The following NDE1 variants were observed in gnomAD, a reference collection of about 807,000 sequenced individuals.
NDE1 encodes the protein nudE neurodevelopment protein 1, also known as nuclear distribution protein nudE homolog 1.
In NDE1, 28 loss-of-function variants were observed where a neutral mutation model predicts 43.4. The ratio of observed to expected loss-of-function variants is 0.65; its 90% confidence interval spans 0.48 to 0.89. The LOEUF is 0.89. Ranked by LOEUF, NDE1 falls within the 40% of genes least tolerant of loss-of-function variation. The probability of loss-of-function intolerance (pLI) is 0.00; values close to 1 mark genes in which losing one functional copy is unlikely to be tolerated. For synonymous variants in NDE1, 184 were observed against 172.0 expected, an observed-to-expected ratio of 1.07 and a Z score of -0.55; for missense variants, 441 against 434.1, an observed-to-expected ratio of 1.02 and a Z score of -0.14.
chr16:15,694,226 C>A lies in NDE1; in HGVS notation c.765C>A (p.Asn255Lys), dbSNP rs1396755281. ...LTPAARISAL[N>K]IVGDLLRKVG... ...CTGCGGCCCGGATATCAGCCCTCAA[C>A]ATTGTGGGAGACCTACTGCGGAAAG... Residue 255 changes from asparagine (N) to lysine (K), a missense_variant, in exon 7 of 9, where the codon AAC becomes AAA. Transcript: ENST00000396354. 1.2e-6 allele frequency: 2 copies of A among 1,613,700 alleles called. No homozygotes were observed. The highest frequency in any genetic ancestry group is 2.7e-5 in the African/African-American group (2 of 74,928).
Position 15,696,791 on chromosome 16 carries a change from G to A in NDE1, c.878G>A (p.Arg293Gln), listed in dbSNP as rs773808414. Reference sequence around the variant, plus strand: ...CGAACAGGTGGCCCAGCCTCTGGGCGGAGCAGCAAGAACAGAGATGGCGGG... The same window carrying A: ...CGAACAGGTGGCCCAGCCTCTGGGCAGAGCAGCAAGAACAGAGATGGCGGG... ...PNRTGGPASG[R>Q]SSKNRDGGER... Residue 293 changes from arginine (R) to glutamine (Q), a missense_variant, in exon 8 of 9, where the codon CGG becomes CAG. Arg to Gln is a conservative substitution (Grantham distance 43, BLOSUM62 1). Transcript: ENST00000396354. 1.3e-5 allele frequency: 21 copies of A among 1,614,102 alleles called. No homozygotes were observed. The highest frequency in any genetic ancestry group is 3.3e-5 in the Admixed American group (2 of 60,000).
intron 8 of NDE1, chr16:15,699,863 G>A: frequency 7.5e-7 from 1 of 1,329,650 alleles, no homozygotes; most frequent in Non-Finnish European, 9.9e-7. Context: ...TGGTGCGGAA[G>A]TCGTTACCTT....
chr16:15,714,583 T>A (rs1320221652), intron 8 of NDE1: 1 of 484,450 alleles, frequency 2.1e-6, no homozygotes, highest in African/African-American at 1.9e-5. Context: ...ATGGATGTCG[T>A]GAAGACTCAG....
At chr16:15,695,710 A>G in intron 7 of NDE1, 5 of 985,182 alleles carry the variant, frequency 5.1e-6, no homozygotes, top group Non-Finnish European at 6.0e-6. Flanking sequence ...AACTTAATAG[A>G]AGCTTGCAAC....
At chr16:15,655,261 A>C (rs2036704005) in intron 1 of NDE1, among the ~76,000 whole-genome samples, 1 of 151,914 alleles carries the variant, frequency 6.6e-6, no homozygotes, top group African/African-American at 2.4e-5. Context: ...CAAGCAATCC[A>C]CCCACCTCAG....
chr16:15,714,888 C>T (rs1391061961), intron 8 of NDE1: 2 of 1,612,558 alleles, frequency 1.2e-6, no homozygotes, highest in African/African-American at 1.3e-5. Context: ...ACGGGGTCCT[C>T]CCGGGCCACG....
In NDE1 at chr16:15,670,536, A is replaced by G. The variant is rs1357667537; in HGVS notation, c.237+3097A>G. 2.0e-5 allele frequency among the ~76,000 whole-genome samples: 3 copies of G among 152,076 alleles called. No individual in the cohort carries two copies. The South Asian group carries it at 6.2e-4, about 32-fold the overall frequency. On this transcript the variant is annotated intron_variant, in intron 3 of 8. Transcript: ENST00000396354. ...GCTGGGTGTTGTTGTATGTGCCTGTAATCCCAGCTACTTGGGAGGCTGAGG... is the reference window on the plus strand; with the variant it reads ...GCTGGGTGTTGTTGTATGTGCCTGTGATCCCAGCTACTTGGGAGGCTGAGG...
upstream of NDE1, among the ~76,000 whole-genome samples, chr16:15,649,931 C>G (rs573114092): frequency 1.9e-4 from 29 of 152,342 alleles, no homozygotes; most frequent in African/African-American, 7.0e-4. Flanking sequence ...GGCGTATTTT[C>G]CTGAAATGCG....
rs1370900292 is a variant in NDE1, at chr16:15,725,345, TC to T, written c.*1096del. 31 of 557,036 alleles carry T rather than the reference TC, an allele frequency of 5.6e-5. 1 individual carries two copies. The South Asian group carries it at 7.1e-4, about 13-fold the overall frequency. 34.5% of individuals were successfully genotyped at this position (557,036 alleles called of 1,614,324 possible). A position where few individuals can be genotyped will look rare whatever the true frequency, so the allele number is the denominator to read the frequency against. ...AGAGACAAAGCAGCAGGTCTGAGAGTCCAGACGAGGTGCTCTGGCTGGTCCA... is the reference window on the plus strand; with the variant it reads ...AGAGACAAAGCAGCAGGTCTGAGAGTCAGACGAGGTGCTCTGGCTGGTCCA... On this transcript the variant is annotated 3_prime_UTR_variant, in exon 9 of 9. Transcript: ENST00000396354.
intron 8 of NDE1, chr16:15,699,938 G>A (rs78273375): frequency 0.024 from 30,042 of 1,226,854 alleles, 556 homozygotes; most frequent in South Asian, 0.061. Flanking sequence ...AGTCACCATA[G>A]TTAGTTAGCT....
chr16:15,662,803 T>A (rs1425192487), intron 1 of NDE1, among the ~76,000 whole-genome samples: 1 of 152,146 alleles, frequency 6.6e-6, no homozygotes, highest in Non-Finnish European at 1.5e-5. Context: ...GGTCTCAAAC[T>A]CCCAGGCTCA....
At chr16:15,723,347 T>C (rs1164631958) in intron 8 of NDE1, among the ~76,000 whole-genome samples, 1 of 152,156 alleles carries the variant, frequency 6.6e-6, no homozygotes, top group Non-Finnish European at 1.5e-5. Context: ...AGAATTAGTC[T>C]TTATAAATAA....
intron 8 of NDE1, chr16:15,701,890 G>A (rs1351888513): frequency 3.3e-5 from 5 of 152,122 alleles, no homozygotes; most frequent in Non-Finnish European, 5.9e-5. Flanking sequence ...TTTTTTAAAA[G>A]ATCAATAAAA....
intron 8 of NDE1, among the ~76,000 whole-genome samples, chr16:15,716,111 AAAT>A (rs908171644): frequency 2.0e-5 from 3 of 151,922 alleles, no homozygotes; most frequent in Non-Finnish European, 4.4e-5. Context: ...AAAAAAATAA[AAAT>A]AAAAAAGTCT....
intron 5 of NDE1, among the ~76,000 whole-genome samples, 159 bp downstream of exon 5, chr16:15,687,670 C>T (rs1254439848): frequency 6.6e-6 from 1 of 152,314 alleles, no homozygotes; most frequent in East Asian, 1.9e-4. Context: ...ACTGGGCAGA[C>T]TCTTGCCTTG....
At chr16:15,663,199 T>C (rs2037134494) in intron 1 of NDE1, among the ~76,000 whole-genome samples, 1 of 152,066 alleles carries the variant, frequency 6.6e-6, no homozygotes, top group African/African-American at 2.4e-5. Flanking sequence ...TCATTCCTTC[T>C]TCCCCTGCTC....
At chr16:15,665,516 C>G (rs1179321581) in intron 2 of NDE1, among the ~76,000 whole-genome samples, 1 of 151,994 alleles carries the variant, frequency 6.6e-6, no homozygotes, top group East Asian at 1.9e-4. Flanking sequence ...GCCATCTTGG[C>G]TCACTGCAGC....
At chr16:15,704,388 C>T (rs1157813166) in intron 8 of NDE1, among the ~76,000 whole-genome samples, 3 of 152,132 alleles carry the variant, frequency 2.0e-5, no homozygotes, top group South Asian at 2.1e-4. Flanking sequence ...CAAAGCAAGA[C>T]GATCTGCTTT....
At chr16:15,687,210 A>G (rs1441239382) in intron 4 of NDE1, 165 bp from the exon 5 acceptor site, 10 of 1,531,200 alleles carry the variant, frequency 6.5e-6, no homozygotes, top group Middle Eastern at 3.4e-4. Flanking sequence ...TAAAGAGCCC[A>G]TGCCCCAGAA....
Sources: allele counts gnomAD v4.1 joint callset (sites outside exome capture counted in the v4.1 genomes callset), GRCh38; gene constraint gnomAD v4.1.1; transcripts MANE v1.5; gene names NCBI Gene and HGNC (gene_info 2026-07-23, HGNC 2026-07-21).